UBR2: variants seen among roughly 807,000 people sequenced by gnomAD.
UBR2 encodes the protein E3 ubiquitin-protein ligase UBR2.
A neutral mutation model predicts 247.9 loss-of-function variants in UBR2; 92 were observed. That is an observed-to-expected ratio of 0.37 (90% CI 0.31 to 0.44). UBR2 has a LOEUF of 0.44. UBR2 is among the 20% of genes least tolerant of loss of function. The pLI is 1.00. For missense variants in UBR2, 1,613 were observed against 2,112.6 expected, an observed-to-expected ratio of 0.76 and a Z score of 4.64; for synonymous variants, 672 against 693.5, an observed-to-expected ratio of 0.97 and a Z score of 0.49.
chr6:42,657,254 A>AG (rs1270039263), intron 26 of UBR2, among the ~76,000 whole-genome samples: 5 of 148,906 alleles, frequency 3.4e-5, no homozygotes, highest in Admixed American at 6.8e-5. Context: ...AAAAAAAAAA[A>AG]TTAGGTTCTC....
intron 41 of UBR2, 119 bp from the exon 42 acceptor site, chr6:42,679,605 C>A (rs1215638824): frequency 1.4e-6 from 1 of 731,622 alleles, no homozygotes; most frequent in African/African-American, 1.8e-5. Context: ...CTACAAGTTA[C>A]GTACCTGGCA....
At chr6:42,571,147 G>A (rs766503099) in intron 1 of UBR2, among the ~76,000 whole-genome samples, 5 of 150,788 alleles carry the variant, frequency 3.3e-5, no homozygotes, top group African/African-American at 7.3e-5. Flanking sequence ...GGAGGCTGAG[G>A]CAGGAGAATG....
intron 22 of UBR2, among the ~76,000 whole-genome samples, chr6:42,648,850 ATAAC>A (rs1346854914): frequency 1.3e-5 from 2 of 152,206 alleles, no homozygotes; most frequent in African/African-American, 2.4e-5. Context: ...ACACATATTT[ATAAC>A]AAAAAATGGG....
intron 30 of UBR2, among the ~76,000 whole-genome samples, chr6:42,660,991 G>GTTTGT (rs1554261161): frequency 9.8e-6 from 1 of 101,654 alleles, no homozygotes; most frequent in Admixed American, 1.1e-4. Context: ...TTGTTTGTTT[G>GTTTGT]TTTTTAAAAA....
intron 30 of UBR2, among the ~76,000 whole-genome samples, chr6:42,661,509 G>A (rs531208841): frequency 6.6e-6 from 1 of 152,218 alleles, no homozygotes; most frequent in South Asian, 2.1e-4. Context: ...AGGAAATTTC[G>A]AAGATTATAC....
intron 2 of UBR2, among the ~76,000 whole-genome samples, chr6:42,575,629 G>C (rs1230448261): frequency 6.6e-6 from 1 of 152,122 alleles, no homozygotes; most frequent in Non-Finnish European, 1.5e-5. Flanking sequence ...ATTTGGGTTT[G>C]TCTGGTTTTC....
At chr6:42,652,738 G>C in intron 25 of UBR2, 93 bp downstream of exon 25, 1 of 1,159,768 alleles carries the variant, frequency 8.6e-7, no homozygotes, top group East Asian at 2.8e-5. Context: ...AAACTAGGCC[G>C]AAATGTATTG....
Position 42,658,019 on chromosome 6 carries a change from C to T in UBR2, c.2873-5C>T, listed in dbSNP as rs375389355. On this transcript the variant is annotated splice_polypyrimidine_tract_variant and splice_region_variant and intron_variant, in intron 26 of 46. Coordinates refer to ENST00000372901, the MANE Select transcript of UBR2 (RefSeq NM_001363705.2). The stretch of plus-strand genomic sequence containing the variant: ...GTTATTGTGCCTTTTATTTTTCTGC[C>T]GTAGAACCTGGTGAAGCGCCAAAAA... 1.9e-5 allele frequency: 31 copies of T among 1,606,472 alleles called. No individual in the cohort carries two copies. Among genetic ancestry groups the T allele is most frequent in the East Asian group, 6.7e-5 (3 of 44,846 alleles).
chr6:42,644,083 T>G (rs1796599799), intron 18 of UBR2, 131 bp from the exon 19 acceptor site: 1 of 867,614 alleles, frequency 1.2e-6, no homozygotes, highest in Non-Finnish European at 1.7e-6. Flanking sequence ...TTATTGGGAT[T>G]GGTGAACCTT....
At chr6:42,599,621 G>T (rs199658296) in intron 4 of UBR2, among the ~76,000 whole-genome samples, 1,009 of 20,256 alleles carry the variant, frequency 0.05, 10 homozygotes, top group African/African-American at 0.22. Flanking sequence ...GGTTTTTTTT[G>T]TTGTTGTTGT....
chr6:42,675,916 C>T, intron 38 of UBR2, 140 bp from the exon 39 acceptor site: 1 of 1,169,992 alleles, frequency 8.5e-7, no homozygotes, highest in Non-Finnish European at 1.1e-6. Context: ...GAGGTTGCGC[C>T]ATTGCACTCC....
At chr6:42,587,115 C>T (rs1331486459) in intron 2 of UBR2, among the ~76,000 whole-genome samples, 4 of 151,864 alleles carry the variant, frequency 2.6e-5, no homozygotes, top group Admixed American at 6.6e-5. Flanking sequence ...CCACCATGCC[C>T]GGCCAAAATG....
At chr6:42,630,828 TTA>T (rs1405324703) in intron 11 of UBR2, among the ~76,000 whole-genome samples, 2 of 152,022 alleles carry the variant, frequency 1.3e-5, no homozygotes, top group Non-Finnish European at 2.9e-5. Flanking sequence ...TTTTTTGTTT[TTA>T]AGACAGGGTC....
intron 37 of UBR2, 32 bp downstream of exon 37, chr6:42,673,919 AT>A: frequency 6.4e-7 from 1 of 1,561,394 alleles, no homozygotes; most frequent in Non-Finnish European, 8.8e-7. Context: ...ACATGTTGTA[AT>A]TTTTCATCCT....
chr6:42,626,405 T>C (rs185053094), intron 11 of UBR2, among the ~76,000 whole-genome samples: 92 of 152,308 alleles, frequency 6.0e-4, no homozygotes, highest in African/African-American at 2.2e-3. Flanking sequence ...GGATGCCCCT[T>C]GCCTTCCTGG....
chr6:42,684,929 G>A (rs434505), intron 44 of UBR2, 58 bp downstream of exon 44: 1,098,977 of 1,393,846 alleles, frequency 0.79, 434,908 homozygotes, highest in East Asian at 0.87. Flanking sequence ...TCTCTACAAA[G>A]AATTTGAAGG....
chr6:42,580,570 C>T (rs541308072), intron 2 of UBR2, among the ~76,000 whole-genome samples: 4 of 151,522 alleles, frequency 2.6e-5, no homozygotes, highest in Non-Finnish European at 2.9e-5. Flanking sequence ...GAGACAGTCT[C>T]ATGCTGTTGC....
At chr6:42,573,202 C>T (rs1295130635) in intron 1 of UBR2, among the ~76,000 whole-genome samples, 1 of 152,110 alleles carries the variant, frequency 6.6e-6, no homozygotes, top group African/African-American at 2.4e-5. Flanking sequence ...ATAATTGGTA[C>T]AACAGTCTCT....
At chr6:42,575,322 G>A (rs1441936708) in intron 2 of UBR2, among the ~76,000 whole-genome samples, 1 of 152,094 alleles carries the variant, frequency 6.6e-6, no homozygotes, top group Admixed American at 6.5e-5. Context: ...ATAGAGAACA[G>A]TATATATATT....
Sources: allele counts gnomAD v4.1 joint callset (sites outside exome capture counted in the v4.1 genomes callset), GRCh38; gene constraint gnomAD v4.1.1; transcripts MANE v1.5; gene names NCBI Gene and HGNC (gene_info 2026-07-23, HGNC 2026-07-21).